ADAMTSL1: variants seen among roughly 807,000 people sequenced by gnomAD.
ADAMTSL1 encodes the protein ADAMTS-like protein 1.
A neutral mutation model predicts 201.8 loss-of-function variants in ADAMTSL1; 126 were observed. That is an observed-to-expected ratio of 0.62 (90% CI 0.54 to 0.72). ADAMTSL1 has a LOEUF of 0.72. ADAMTSL1 is among the 30% of genes least tolerant of loss of function. The probability of loss-of-function intolerance (pLI) is 0.00; values close to 1 mark genes in which losing one functional copy is unlikely to be tolerated. For synonymous variants in ADAMTSL1, 1,121 were observed against 903.4 expected, an observed-to-expected ratio of 1.24 and a Z score of -4.32; for missense variants, 2,679 against 2,277.8, an observed-to-expected ratio of 1.18 and a Z score of -3.59.
chr9:17,987,952 T>A (rs1818993678), intron 1 of ADAMTSL1, among the ~76,000 whole-genome samples: 1 of 152,212 alleles, frequency 6.6e-6, no homozygotes, highest in African/African-American at 2.4e-5. Flanking sequence ...TATTTTTAAA[T>A]CTTTTTTTGA....
intron 2 of ADAMTSL1, among the ~76,000 whole-genome samples, chr9:18,215,638 A>C (rs940866138): frequency 2.6e-5 from 4 of 152,178 alleles, no homozygotes; most frequent in Non-Finnish European, 5.9e-5. Context: ...AAGGTAGACT[A>C]TTTTATTTAA....
chr9:18,013,356 C>G (rs536371229), intron 1 of ADAMTSL1, among the ~76,000 whole-genome samples: 213 of 152,086 alleles, frequency 1.4e-3, no homozygotes, highest in African/African-American at 5.0e-3. Context: ...ATCTAGATTT[C>G]AAAACAATGT....
intron 2 of ADAMTSL1, among the ~76,000 whole-genome samples, chr9:18,399,075 A>G (rs1817860671): frequency 6.6e-6 from 1 of 151,630 alleles, no homozygotes; most frequent in Non-Finnish European, 1.5e-5. Flanking sequence ...TCCTGGGGTT[A>G]CAGAGATGAA....
In ADAMTSL1 at chr9:18,770,689, G is replaced by A. The variant is rs1319413725; in HGVS notation, c.2305G>A (p.Glu769Lys). ...MADGSFLELP[E>K]TFCSASKPAC... ...TGATGGCAGCTTCCTGGAGCTTCCT[G>A]AGACCTTCTGTTCAGCTTCAAAACC... Residue 769 changes from glutamate to lysine, a missense_variant, in exon 17 of 29, where the codon GAG becomes AAG. By Grantham distance (56) the Glu-to-Lys change is moderately conservative. Coordinates refer to ENST00000380548, the MANE Select transcript of ADAMTSL1 (RefSeq NM_001040272.6). 3.1e-6 allele frequency: 5 copies of A among 1,613,766 alleles called. No homozygotes were observed. The South Asian group carries it at 4.4e-5, about 14-fold the overall frequency.
intron 1 of ADAMTSL1, among the ~76,000 whole-genome samples, chr9:18,500,078 T>C (rs1822754779): frequency 6.6e-6 from 1 of 152,224 alleles, no homozygotes; most frequent in African/African-American, 2.4e-5. Flanking sequence ...TATGGATAAG[T>C]GGTACATAGG....
rs183019643 is a variant in ADAMTSL1 at position 18,707,175 on chromosome 9, C to T, written c.1876+127C>T. ...AAGCAGGAGGAGGAGGGGAGGCAGC[C>T]ATTCTAAATGTAAAGCACACTGAAT... On this transcript the variant is annotated intron_variant, in intron 14 of 28. Coordinates refer to ENST00000380548, the MANE Select transcript of ADAMTSL1 (RefSeq NM_001040272.6). 376 of 1,212,572 alleles carry T rather than the reference C, an allele frequency of 3.1e-4. 2 individuals are homozygous for T. The African/African-American group carries it at 5.3e-3, about 17-fold the overall frequency. 75.1% of individuals were successfully genotyped at this position (1,212,572 alleles called of 1,614,324 possible). A position where few individuals can be genotyped will look rare whatever the true frequency, so the allele number is the denominator to read the frequency against.
chr9:18,663,883 T>C (rs975308527), intron 9 of ADAMTSL1, among the ~76,000 whole-genome samples: 3 of 152,174 alleles, frequency 2.0e-5, no homozygotes, highest in Non-Finnish European at 4.4e-5. Context: ...TTTGGCCTAT[T>C]TCTTATTACC....
At chr9:18,158,838 A>G (rs970484391) in intron 1 of ADAMTSL1, among the ~76,000 whole-genome samples, 2 of 151,856 alleles carry the variant, frequency 1.3e-5, no homozygotes, top group Non-Finnish European at 2.9e-5. Context: ...GATCTCTGTG[A>G]CACTTTAGTT....
chr9:18,383,402 G>T (rs1837645069), intron 2 of ADAMTSL1, among the ~76,000 whole-genome samples: 1 of 152,044 alleles, frequency 6.6e-6, no homozygotes, highest in African/African-American at 2.4e-5. Flanking sequence ...CCTTTCATTT[G>T]CAAAAGGTAG....
chr9:18,777,577 G>C lies in ADAMTSL1; in HGVS notation c.3348G>C (p.Gln1116His). 6.2e-7 allele frequency: 1 copy of C among 1,610,600 alleles called. No individual in the cohort carries two copies. The highest frequency in any genetic ancestry group is 8.5e-7 in the Non-Finnish European group (1 of 1,178,640). Residue 1116 changes from glutamine (Q) to histidine (H), a missense_variant, in exon 19 of 29, where the codon CAG becomes CAC. Coordinates refer to ENST00000380548, the MANE Select transcript of ADAMTSL1 (RefSeq NM_001040272.6). ...TCTTCCGCAGCCACCTGGAGCACCA[G>C]GACACGCTCCTGAAGCCCTCGGAGC... The part of the protein sequence containing the change: ...QEIFRSHLEH[Q>H]DTLLKPSERR...
chr9:18,510,625 G>T (rs141436111), intron 2 of ADAMTSL1, among the ~76,000 whole-genome samples: 11 of 152,098 alleles, frequency 7.2e-5, no homozygotes, highest in African/African-American at 2.7e-4. Flanking sequence ...AACAAAGAAA[G>T]ACACTGTATA....
chr9:17,930,366 C>T (rs1826729705), intron 1 of ADAMTSL1, among the ~76,000 whole-genome samples: 1 of 152,038 alleles, frequency 6.6e-6, no homozygotes. Context: ...GGGGGTAGTC[C>T]TGGGAGTGGA....
At chr9:18,761,030 T>C (rs1820043891) in intron 16 of ADAMTSL1, among the ~76,000 whole-genome samples, 1 of 152,190 alleles carries the variant, frequency 6.6e-6, no homozygotes, top group Non-Finnish European at 1.5e-5. Context: ...CAGCATCCAA[T>C]ACAGTGCCTA....
rs1379826929 is a variant in ADAMTSL1, at chr9:18,414,106, C to CTATTCAACTG, written c.208-90716_208-90715insCTGTATTCAA. ...CAAAAGATATTTTCTCTACAGTTGA[C>CTATTCAACTG]TATTCAAGTATGAGTGTAATAACGT... is the stretch of plus-strand genomic sequence containing the variant. On this transcript the variant is annotated intron_variant, in intron 2 of 29. Transcript: ENST00000680146. Among the ~76,000 whole-genome samples, 5 of 152,172 alleles carry CTATTCAACTG rather than the reference C, an allele frequency of 3.3e-5. No homozygotes were observed. In the South Asian group the frequency reaches 1.0e-3, roughly 32 times the overall value.
chr9:18,630,272 T>G (rs1826671078), intron 5 of ADAMTSL1, among the ~76,000 whole-genome samples: 1 of 152,208 alleles, frequency 6.6e-6, no homozygotes, highest in South Asian at 2.1e-4. Flanking sequence ...GTTTGTCACT[T>G]TGGCTGATGG....
intron 7 of ADAMTSL1, among the ~76,000 whole-genome samples, chr9:18,647,245 A>C (rs1327082272): frequency 1.3e-5 from 2 of 151,936 alleles, no homozygotes; most frequent in Non-Finnish European, 1.5e-5. Flanking sequence ...CCCCTTTATC[A>C]TTTTTTATTG....
intron 2 of ADAMTSL1, among the ~76,000 whole-genome samples, chr9:18,198,457 C>T (rs911221752): frequency 1.7e-4 from 26 of 149,896 alleles, no homozygotes; most frequent in African/African-American, 4.6e-4. Flanking sequence ...AGGACATGAA[C>T]AGACACTTCT....
chr9:18,211,177 G>A (rs910622689), intron 2 of ADAMTSL1, among the ~76,000 whole-genome samples: 9 of 151,968 alleles, frequency 5.9e-5, no homozygotes, highest in African/African-American at 2.2e-4. Context: ...ATACACAGTC[G>A]CCAGTTTTCA....
At chr9:18,130,736 C>CT (rs1246536150) in intron 1 of ADAMTSL1, among the ~76,000 whole-genome samples, 2 of 152,068 alleles carry the variant, frequency 1.3e-5, no homozygotes, top group African/African-American at 4.8e-5. Context: ...ACATAGGGAA[C>CT]TTTTTTTCTT....
Sources: gnomAD v4.1 joint callset for allele counts (sites outside exome capture counted in the v4.1 genomes callset) on GRCh38, gnomAD v4.1.1 for gene constraint, MANE v1.5 for transcripts, NCBI Gene and HGNC (gene_info 2026-07-23, HGNC 2026-07-21) for gene names.